Variants in UTRN observed in about 807,000 individuals in gnomAD.
UTRN encodes the protein utrophin.
A neutral mutation model predicts 463.9 loss-of-function variants in UTRN; 283 were observed. The observed-to-expected ratio is 0.61, with a 90% CI of 0.55 to 0.67. The LOEUF is 0.67. UTRN is among the 30% of genes least tolerant of loss of function. The probability of loss-of-function intolerance (pLI) is 0.00; values close to 1 mark genes in which losing one functional copy is unlikely to be tolerated. For missense variants in UTRN, 3,922 were observed against 4,084.3 expected (o/e 0.96, Z 1.08); for synonymous variants, 1,442 against 1,431.5 (o/e 1.01, Z -0.17).
At chr6:144,573,900 CT>C (rs1801186050) in intron 50 of UTRN, among the ~76,000 whole-genome samples, 1 of 152,010 alleles carries the variant, frequency 6.6e-6, no homozygotes, top group Non-Finnish European at 1.5e-5. Flanking sequence ...CATTCAAGGC[CT>C]TTTTCCAGGA....
chr6:144,430,157 A>T (rs1445944747), intron 9 of UTRN, among the ~76,000 whole-genome samples: 2 of 151,990 alleles, frequency 1.3e-5, no homozygotes, highest in Non-Finnish European at 2.9e-5. Flanking sequence ...TTTTTCCATT[A>T]TATATCTCAC....
In UTRN at chr6:144,426,421, A is replaced by G. The variant is rs757006035; in HGVS notation, c.540A>G (p.Thr180=). Residue 180 remains threonine, a synonymous_variant, in exon 7 of 75, where the codon ACA becomes ACG. Coordinates refer to ENST00000367545, the MANE Select transcript of UTRN (RefSeq NM_007124.3). The part of the protein sequence containing the change: ...VNVLNFTTSW[T]DGLAFNAVLH... ...TCCTCAACTTCACCACCAGCTGGAC[A>G]GATGGACTCGCCTTTAATGCTGTCC... 38 of 1,614,034 alleles carry G rather than the reference A, an allele frequency of 2.4e-5. No individual in the cohort carries two copies. The highest frequency in any genetic ancestry group is 3.1e-5 in the Non-Finnish European group (37 of 1,180,032).
intron 60 of UTRN, among the ~76,000 whole-genome samples, chr6:144,777,928 A>C (rs1775476419): frequency 6.6e-6 from 1 of 152,324 alleles, no homozygotes; most frequent in Admixed American, 6.5e-5. Flanking sequence ...ATTTCCTTAA[A>C]GTTAATTTAG....
intron 26 of UTRN, 130 bp downstream of exon 26, chr6:144,480,112 TAAAAA>T (rs1348034912): frequency 1.4e-5 from 16 of 1,111,368 alleles, no homozygotes; most frequent in Non-Finnish European, 1.8e-5. Context: ...GTTTTTGAAT[TAAAAA>T]AACATAACAG....
Position 144,435,649 on chromosome 6 carries a change from A to G in UTRN, c.856-286A>G, listed in dbSNP as rs544531144. Among the ~76,000 whole-genome samples, 6 of 152,294 alleles carry G rather than the reference A, an allele frequency of 3.9e-5. No individual in the cohort carries two copies. In the East Asian group the frequency reaches 9.6e-4, roughly 24 times the overall value. On this transcript the variant is annotated intron_variant, in intron 9 of 74. Coordinates refer to ENST00000367545, the MANE Select transcript of UTRN (RefSeq NM_007124.3). ...TTACTTTTCTAATAGCTGTTCTTCA[A>G]TTTCTGTTCAGAAGTGATTCATGTG...
intron 54 of UTRN, among the ~76,000 whole-genome samples, chr6:144,744,880 G>A (rs560833840): frequency 6.6e-6 from 1 of 152,292 alleles, no homozygotes; most frequent in Non-Finnish European, 1.5e-5. Flanking sequence ...CCAGTGGAGT[G>A]GAAATGTCCC....
intron 2 of UTRN, among the ~76,000 whole-genome samples, chr6:144,330,529 T>C (rs1776261881): frequency 6.6e-6 from 1 of 152,200 alleles, no homozygotes; most frequent in South Asian, 2.1e-4. Context: ...CTTAACATTT[T>C]TCCTCACTCA....
At chr6:144,561,260 T>TATATATATATATAC (rs1554290277) in intron 50 of UTRN, among the ~76,000 whole-genome samples, 1 of 72,826 alleles carries the variant, frequency 1.4e-5, no homozygotes, top group Non-Finnish European at 3.0e-5. Context: ...TATATATATA[T>TATATATATATATAC]ACATACACAC....
chr6:144,452,855 T>C (rs566529015), intron 18 of UTRN, among the ~76,000 whole-genome samples: 1 of 149,926 alleles, frequency 6.7e-6, no homozygotes, highest in African/African-American at 2.5e-5. Flanking sequence ...GATAGGAGGA[T>C]CCTTTGAGCC....
chr6:144,835,206 G>T (rs771817917), intron 69 of UTRN, among the ~76,000 whole-genome samples: 1 of 152,168 alleles, frequency 6.6e-6, no homozygotes, highest in Non-Finnish European at 1.5e-5. Flanking sequence ...GTAGTTTCTT[G>T]TTCTAATGCA....
At chr6:144,738,661 T>TTGTATACATATGTA (rs1200951678) in intron 54 of UTRN, among the ~76,000 whole-genome samples, 2 of 152,192 alleles carry the variant, frequency 1.3e-5, no homozygotes, top group Non-Finnish European at 2.9e-5. Flanking sequence ...ACACAATTCA[T>TTGTATACATATGTA]TGTATACATA....
At chr6:144,535,597 T>C (rs141842036) in intron 43 of UTRN, among the ~76,000 whole-genome samples, 3 of 152,340 alleles carry the variant, frequency 2.0e-5, no homozygotes, top group African/African-American at 4.8e-5. Context: ...AAAACAATAT[T>C]TGTCTTTGTA....
At chr6:144,620,679 C>T (rs1775267976) in intron 51 of UTRN, among the ~76,000 whole-genome samples, 3 of 152,142 alleles carry the variant, frequency 2.0e-5, no homozygotes, top group Non-Finnish European at 4.4e-5. Flanking sequence ...GGGGACAAGA[C>T]AACTCTGGGG....
intron 40 of UTRN, among the ~76,000 whole-genome samples, 196 bp downstream of exon 40, chr6:144,522,367 T>G (rs555273984): frequency 6.6e-6 from 1 of 152,204 alleles, no homozygotes. Context: ...AAAGTGGGTA[T>G]GGATTGTTAA....
Position 144,312,885 on chromosome 6 carries a change from G to A in UTRN, c.79+20978G>A, listed in dbSNP as rs7766622. Among the ~76,000 whole-genome samples the A allele has an allele frequency of 1.9e-4, 29 of 152,338 alleles. No homozygotes were observed. The East Asian group carries it at 5.0e-3, about 26-fold the overall frequency. ...TACAACTAATTTCCAGCCAGTTTAT[G>A]TAGATCATTTGCAAATGTATTAGTT... is the stretch of plus-strand genomic sequence containing the variant. On this transcript the variant is annotated intron_variant, in intron 2 of 74. Coordinates refer to ENST00000367545, the MANE Select transcript of UTRN (RefSeq NM_007124.3).
At position 144,420,890 on chromosome 6, in the gene UTRN, G is replaced by A. The variant is rs531010799; in HGVS notation, c.142-988G>A. On this transcript the variant is annotated intron_variant, in intron 3 of 74. Coordinates refer to ENST00000367545, the MANE Select transcript of UTRN (RefSeq NM_007124.3). ...GTAGGCTCATTTACATTTTTAATGC[G>A]TCTCGTTATCATTGCTTTCTCAGGA... 5.3e-5 allele frequency among the ~76,000 whole-genome samples: 8 copies of A among 152,292 alleles called. No homozygotes were observed. The East Asian group carries it at 5.8e-4, about 11-fold the overall frequency.
chr6:144,305,047 T>G (rs1409638841), intron 2 of UTRN, among the ~76,000 whole-genome samples: 1 of 151,980 alleles, frequency 6.6e-6, no homozygotes, highest in Admixed American at 6.6e-5. Context: ...TTCTTGTGCC[T>G]CAGCCACCCG....
intron 27 of UTRN, among the ~76,000 whole-genome samples, chr6:144,483,123 A>G (rs916723521): frequency 6.6e-6 from 1 of 152,254 alleles, no homozygotes; most frequent in Non-Finnish European, 1.5e-5. Context: ...AAAAAATGGC[A>G]ACTGCAATAT....
rs748160623 is a variant in UTRN at position 144,851,009 on chromosome 6, G to A, written c.*12G>A. On this transcript the variant is annotated 3_prime_UTR_variant, in exon 75 of 75. Transcript: ENST00000367545. ...CATAGGCAATGTGAAGTATTCATCC[G>A]GCCAACCAATGTTTCCTGACGTACA... The A allele has an allele frequency of 1.4e-5, 22 of 1,613,378 alleles. No homozygotes were observed. Among genetic ancestry groups the A allele is most frequent in the African/African-American group, 2.7e-5 (2 of 74,826 alleles).
Sources: gnomAD v4.1 joint callset for allele counts (sites outside exome capture counted in the v4.1 genomes callset) on GRCh38, gnomAD v4.1.1 for gene constraint, MANE v1.5 for transcripts, NCBI Gene and HGNC (gene_info 2026-07-23, HGNC 2026-07-21) for gene names.